The following CPLANE1 variants were observed in gnomAD, a reference collection of about 807,000 sequenced individuals.
CPLANE1 encodes the protein ciliogenesis and planar polarity effector complex subunit 1.
Under a neutral mutation model 362.5 loss-of-function variants are expected in CPLANE1, and 263 were observed. The ratio of observed to expected loss-of-function variants is 0.73; its 90% CI spans 0.66 to 0.80. The LOEUF (loss-of-function observed/expected upper bound fraction) is 0.80, where lower values mean the gene tolerates loss of function less well. Ranked by LOEUF, CPLANE1 falls within the 30% of genes least tolerant of loss-of-function variation. The pLI is 0.00. For synonymous variants in CPLANE1, 1,212 were observed against 1,302.6 expected (o/e 0.93, Z 1.50); for missense variants, 3,461 against 3,793.4 (o/e 0.91, Z 2.30).
the CPLANE1 span, among the ~76,000 whole-genome samples, chr5:37,082,047 C>T: frequency 3.3e-5 from 5 of 150,602 alleles, no homozygotes; most frequent in Non-Finnish European, 5.9e-5. Context: ...GAGCCAAGAT[C>T]GCGCCATTGC....
rs2149952821 is a variant in CPLANE1 at position 37,113,393 on chromosome 5, T to C, written c.9400+1567A>G. 2.0e-5 allele frequency among the ~76,000 whole-genome samples: 3 copies of C among 152,332 alleles called. No individual in the cohort carries two copies. The Middle Eastern group carries it at 0.01, about 518-fold the overall frequency. ...CTTCTCCTTTGCCTTTTACCATGAT[T>C]GTGAGGCCTCCACAGCCATGTGAAA... On this transcript the variant is annotated intron_variant, in intron 51 of 52. Transcript: ENST00000651892.
At chr5:37,230,407 A>G in intron 9 of CPLANE1, among the ~76,000 whole-genome samples, 1 of 152,040 alleles carries the variant, frequency 6.6e-6, no homozygotes. Context: ...AAAATATTGT[A>G]TATCAATAAA....
intron 21 of CPLANE1, among the ~76,000 whole-genome samples, chr5:37,193,797 A>G (rs1056051175): frequency 2.6e-5 from 4 of 152,148 alleles, no homozygotes; most frequent in African/African-American, 9.7e-5. Flanking sequence ...GGAGATCAGT[A>G]GCAAGATCAT....
intron 8 of CPLANE1, among the ~76,000 whole-genome samples, chr5:37,233,792 C>T (rs2150569220): frequency 6.6e-6 from 1 of 152,208 alleles, no homozygotes; most frequent in East Asian, 1.9e-4. Context: ...CAGGACCCAT[C>T]AATACCAGGG....
intron 44 of CPLANE1, chr5:37,140,353 C>T: frequency 1.0e-6 from 1 of 980,808 alleles, no homozygotes; most frequent in Non-Finnish European, 1.2e-6. Context: ...ACATATTGTT[C>T]TATTTAATTT....
In CPLANE1 at chr5:37,227,631, T is replaced by C; in HGVS notation, c.1308A>G (p.Arg436=). 6 of 1,551,356 alleles carry C rather than the reference T, an allele frequency of 3.9e-6. No individual in the cohort carries two copies. In the South Asian group the frequency reaches 7.1e-5, roughly 18 times the overall value. ...LDSLSPSVHM[R]SLLLDSTQRL... ...TCTGGGTTGAATCAAGTAGAAGTGA[T>C]CTCATGTGTACTGATGGAGATAGGC... Residue 436 remains arginine (R), a synonymous_variant, in exon 10 of 53, where the codon AGA becomes AGG. Transcript: ENST00000651892.
intron 50 of CPLANE1, among the ~76,000 whole-genome samples, chr5:37,117,257 G>C (rs535623980): frequency 6.6e-6 from 1 of 151,216 alleles, no homozygotes; most frequent in East Asian, 1.9e-4. Flanking sequence ...TCAACATGAG[G>C]GGTAATAGGA....
intron 19 of CPLANE1, among the ~76,000 whole-genome samples, chr5:37,200,108 A>C (rs1253324743): frequency 1.3e-5 from 2 of 152,240 alleles, no homozygotes; most frequent in Non-Finnish European, 2.9e-5. Context: ...ACAGAGCCCA[A>C]GTCTTTGGTA....
intron 37 of CPLANE1, 144 bp from the exon 38 acceptor site, chr5:37,162,710 G>C (rs1777153006): frequency 3.8e-6 from 2 of 522,402 alleles, no homozygotes; most frequent in South Asian, 5.4e-5. Context: ...GATGGAGTCT[G>C]GCTCTGCTGC....
chr5:37,090,225 C>T, the CPLANE1 span, among the ~76,000 whole-genome samples: 1 of 152,146 alleles, frequency 6.6e-6, no homozygotes, highest in Admixed American at 6.5e-5. Context: ...CGCATTGATC[C>T]ACGTTATTCA....
chr5:37,190,267 T>C (rs1254745106), intron 21 of CPLANE1, among the ~76,000 whole-genome samples: 1 of 151,822 alleles, frequency 6.6e-6, no homozygotes, highest in East Asian at 1.9e-4. Context: ...AGGAAACTTT[T>C]ATAGATTAAG....
At chr5:37,123,948 C>CACACAT (rs1763426635) in intron 47 of CPLANE1, among the ~76,000 whole-genome samples, 1 of 151,794 alleles carries the variant, frequency 6.6e-6, no homozygotes, top group Non-Finnish European at 1.5e-5. Context: ...CACACACACA[C>CACACAT]ACACACACAC....
At chr5:37,232,289 A>G (rs1019201366) in intron 8 of CPLANE1, among the ~76,000 whole-genome samples, 2 of 152,062 alleles carry the variant, frequency 1.3e-5, no homozygotes, top group Non-Finnish European at 2.9e-5. Flanking sequence ...AGGCCGAGGC[A>G]GGTGGATCAC....
rs1468250803 is a variant in CPLANE1, at chr5:37,226,367, G to C, written c.2228C>G (p.Ser743Cys). The C allele has an allele frequency of 1.9e-6, 3 of 1,548,484 alleles. No individual in the cohort carries two copies. The highest frequency in any genetic ancestry group is 2.6e-6 in the Non-Finnish European group (3 of 1,146,106). Residue 743 changes from serine to cysteine, a missense_variant, in exon 12 of 53, where the codon TCT (serine) becomes TGT (cysteine). Ser to Cys is a moderately radical substitution (Grantham distance 112). Transcript: ENST00000651892. ...FQDSGFQKNW[S>C]WNSFFKIHPQ... ...ATGAATCTTGAAAAATGAGTTCCAA[G>C]ACCAGTTTTTCTGAAAACCACTATC...
Position 37,203,272 on chromosome 5 carries a change from G to A in CPLANE1, c.3290-1464C>T, listed in dbSNP as rs780541928. On this transcript the variant is annotated intron_variant, in intron 18 of 52. Coordinates refer to ENST00000651892, the MANE Select transcript of CPLANE1 (RefSeq NM_001384732.1). Reference sequence around the variant, plus strand: ...GTTTTTTATAGAATGCCACAGAAATGGAATCATACGGTATGTAGTCTTCGT... The same window carrying A: ...GTTTTTTATAGAATGCCACAGAAATAGAATCATACGGTATGTAGTCTTCGT... 8.2e-4 allele frequency among the ~76,000 whole-genome samples: 125 copies of A among 152,042 alleles called. 3 individuals carry two copies. The highest frequency in any genetic ancestry group is 1.9e-4 in the Non-Finnish European group (13 of 67,998).
At chr5:37,182,261 G>C (rs1782859407) in intron 26 of CPLANE1, among the ~76,000 whole-genome samples, 1 of 152,018 alleles carries the variant, frequency 6.6e-6, no homozygotes, top group African/African-American at 2.4e-5. Context: ...ACTTGCCATT[G>C]ACTAGGGAAG....
At position 37,226,888 on chromosome 5, in the gene CPLANE1, C is replaced by A. The variant is rs1015034498; in HGVS notation, c.1707G>T (p.Leu569=). 1 of 1,551,402 alleles carries A rather than the reference C, an allele frequency of 6.4e-7. No individual in the cohort carries two copies. Among genetic ancestry groups the A allele is most frequent in the Non-Finnish European group, 8.7e-7 (1 of 1,146,876 alleles). ...SEETDRTITE[L]HSIQKSLLAA... Reference sequence around the variant, plus strand: ...CAAGTAGACTTTTCTGGATAGAATGCAGTTCTGTAATGGTTCTATCTGTCT... The same window carrying A: ...CAAGTAGACTTTTCTGGATAGAATGAAGTTCTGTAATGGTTCTATCTGTCT... The change falls in exon 12 of 53, where the codon CTG becomes CTT. Residue 569 remains leucine, a synonymous_variant. Coordinates refer to ENST00000651892, the MANE Select transcript of CPLANE1 (RefSeq NM_001384732.1).
In CPLANE1 at chr5:37,157,340, T is replaced by TACA. The variant is rs766933289; in HGVS notation, c.8091_8092insTGT (p.Pro2697_Thr2698insCys). 2.9e-6 allele frequency: 4 copies of TACA among 1,380,012 alleles called. No individual in the cohort carries two copies. The highest frequency in any genetic ancestry group is 3.8e-6 in the Non-Finnish European group (4 of 1,040,432). 85.5% of individuals were successfully genotyped at this position (1,380,012 alleles called of 1,614,324 possible). On this transcript the variant is annotated inframe_insertion, in exon 41 of 53. Coordinates refer to ENST00000651892, the MANE Select transcript of CPLANE1 (RefSeq NM_001384732.1). ...TTGTTCTGCTGTATGTCTGATGGTG[T>TACA]AGGTGAGGTGACACTAGGCTCCTTC...
chr5:37,085,541 T>C, the CPLANE1 span: 10 of 818,960 alleles, frequency 1.2e-5, no homozygotes, highest in South Asian at 1.2e-4. Flanking sequence ...TTCAGACTGA[T>C]TTGGAGACTG....
Sources: allele counts gnomAD v4.1 joint callset (sites outside exome capture counted in the v4.1 genomes callset), GRCh38; gene constraint gnomAD v4.1.1; transcripts MANE v1.5; gene names NCBI Gene and HGNC (gene_info 2026-07-23, HGNC 2026-07-21).